Variants in RABGAP1 observed in about 807,000 individuals in gnomAD.
RABGAP1 encodes rab GTPase-activating protein 1.
A neutral mutation model predicts 137.6 loss-of-function variants in RABGAP1; 23 were observed. The ratio of observed to expected loss-of-function variants is 0.17; its 90% confidence interval spans 0.12 to 0.24. The LOEUF (loss-of-function observed/expected upper bound fraction) is 0.24. RABGAP1 is among the 10% of genes least tolerant of loss of function. The pLI is 1.00. For synonymous variants in RABGAP1, 451 were observed against 450.7 expected, an observed-to-expected ratio of 1.00 and a Z score of -0.01; for missense variants, 906 against 1,275.8, an observed-to-expected ratio of 0.71 and a Z score of 4.42.
At chr9:123,101,833 A>C in intron 25 of RABGAP1, 70 bp downstream of exon 25, 1 of 1,431,738 alleles carries the variant, frequency 7.0e-7, no homozygotes, top group Non-Finnish European at 9.3e-7. Context: ...GACCCCAGAA[A>C]TTATCTTTAT....
In RABGAP1 at chr9:123,002,161, C is replaced by T. The variant is rs574377093; in HGVS notation, c.1374+3395C>T. 7.9e-5 allele frequency among the ~76,000 whole-genome samples: 12 copies of T among 151,940 alleles called. No homozygotes were observed. In the South Asian group the frequency reaches 1.0e-3, roughly 13 times the overall value. On this transcript the variant is annotated intron_variant, in intron 10 of 25. Coordinates refer to ENST00000373647, the MANE Select transcript of RABGAP1 (RefSeq NM_012197.4). ...TACTAAAAATACAAAATTAGCCAGG[C>T]GTAGTGGCGCATGCCTGTAATCCCA...
chr9:123,097,926 A>G lies in RABGAP1; in HGVS notation c.2733+81A>G, dbSNP rs1381859679. 7.7e-6 allele frequency: 9 copies of G among 1,173,272 alleles called. No homozygotes were observed. The East Asian group carries it at 1.5e-4, about 19-fold the overall frequency. The allele number at this position is 1,173,272 out of a possible 1,614,324, so 72.7% of individuals were successfully genotyped here. A position where few individuals can be genotyped will look rare whatever the true frequency, so the allele number is the denominator to read the frequency against. ...CAGCTGGTGGCTTCCTGTTGGCACT[A>G]GAAAACCTAGAGACATCTGGCTTCA... On this transcript the variant is annotated intron_variant, in intron 22 of 25. Coordinates refer to ENST00000373647, the MANE Select transcript of RABGAP1 (RefSeq NM_012197.4).
At chr9:123,084,430 C>T (rs1486581221) in intron 19 of RABGAP1, among the ~76,000 whole-genome samples, 4 of 152,164 alleles carry the variant, frequency 2.6e-5, no homozygotes, top group African/African-American at 9.7e-5. Context: ...TACCCACTCA[C>T]CCAACAACAT....
chr9:122,996,113 T>C lies in RABGAP1; in HGVS notation c.996T>C (p.Tyr332=), dbSNP rs1460592417. 6.2e-7 allele frequency: 1 copy of C among 1,613,176 alleles called. No homozygotes were observed. The highest frequency in any genetic ancestry group is 1.3e-5 in the African/African-American group (1 of 74,878). Residue 332 remains tyrosine, a synonymous_variant, in exon 7 of 26, where the codon TAT becomes TAC. Transcript: ENST00000373647. ...GAATTGATAAGAAGATTGTCATCTA[T>C]GTGCAGCAAACAACTAATAAAGAAC... ...RQGIDKKIVI[Y]VQQTTNKELA...
chr9:123,054,594 T>TA lies in RABGAP1; in HGVS notation c.1795-10751dup, dbSNP rs562459128. ...AACTCAATATTGAGATGTTGTTAAC[T>TA]AAATCCCAAACTTTATTTACATTTC... On this transcript the variant is annotated intron_variant, in intron 13 of 25. Coordinates refer to ENST00000373647, the MANE Select transcript of RABGAP1 (RefSeq NM_012197.4). 1.3e-3 allele frequency among the ~76,000 whole-genome samples: 202 copies of TA among 152,328 alleles called. 1 individual carries two copies. The highest frequency in any genetic ancestry group is 2.1e-3 in the Non-Finnish European group (143 of 68,018).
intron 13 of RABGAP1, among the ~76,000 whole-genome samples, chr9:123,032,046 A>C (rs1356367695): frequency 6.6e-6 from 1 of 152,214 alleles, no homozygotes; most frequent in Non-Finnish European, 1.5e-5. Context: ...TAGCTGTTGT[A>C]TGACCTAGAA....
At position 123,096,580 on chromosome 9, in the gene RABGAP1, C is replaced by G. The variant is rs554635664; in HGVS notation, c.2629-1161C>G. 2.6e-5 allele frequency among the ~76,000 whole-genome samples: 4 copies of G among 152,186 alleles called. No individual in the cohort carries two copies. In the East Asian group the frequency reaches 7.7e-4, roughly 29 times the overall value. ...TTCTCAGTTCCACCTTTTTTTCTCT[C>G]TCTTTTGAGACTGAGTCTCGCACTG... is the stretch of plus-strand genomic sequence containing the variant. On this transcript the variant is annotated intron_variant, in intron 21 of 25. Transcript: ENST00000373647.
Position 123,070,711 on chromosome 9 carries a change from A to G in RABGAP1, c.1983+287A>G, listed in dbSNP as rs1433986161. Reference sequence around the variant, plus strand: ...TTGGTTGAACTCTTGGGGACGTTTTATCTTCTCTAAAGTAGCCGCTGTCAT... The same window carrying G: ...TTGGTTGAACTCTTGGGGACGTTTTGTCTTCTCTAAAGTAGCCGCTGTCAT... On this transcript the variant is annotated intron_variant, in intron 15 of 25. Coordinates refer to ENST00000373647, the MANE Select transcript of RABGAP1 (RefSeq NM_012197.4). This position sits in a 1 kb window ranked among gnomAD's most constrained non-coding sequence, Gnocchi z 4.4. 1.3e-5 allele frequency among the ~76,000 whole-genome samples: 2 copies of G among 152,184 alleles called. No homozygotes were observed. The highest frequency in any genetic ancestry group is 3.8e-4 in the East Asian group (2 of 5,200).
At chr9:122,983,696 C>T (rs953449581) in intron 2 of RABGAP1, among the ~76,000 whole-genome samples, 2 of 152,104 alleles carry the variant, frequency 1.3e-5, no homozygotes, top group African/African-American at 4.8e-5. Context: ...CCCATGACTT[C>T]GTTTTTCTAA....
intron 1 of RABGAP1, among the ~76,000 whole-genome samples, chr9:122,949,932 A>G (rs1252103566): frequency 2.0e-5 from 3 of 152,234 alleles, no homozygotes; most frequent in African/African-American, 7.2e-5. Context: ...GCAGCATATG[A>G]AAAGGCTTGA....
intron 14 of RABGAP1, among the ~76,000 whole-genome samples, chr9:123,067,189 C>A (rs1564173804): frequency 6.6e-6 from 1 of 152,216 alleles, no homozygotes; most frequent in Non-Finnish European, 1.5e-5. Context: ...TTCTCCCATA[C>A]CATTGTCCTG....
At chr9:123,028,664 C>T (rs566936659) in intron 13 of RABGAP1, among the ~76,000 whole-genome samples, 12 of 152,246 alleles carry the variant, frequency 7.9e-5, no homozygotes, top group Middle Eastern at 3.4e-3. Flanking sequence ...CTTCAGAAGG[C>T]ATATTTAAGG....
chr9:123,059,329 C>T (rs1235149595), intron 13 of RABGAP1, among the ~76,000 whole-genome samples: 3 of 151,948 alleles, frequency 2.0e-5, no homozygotes, highest in Admixed American at 6.6e-5. Context: ...CCGAGGCGGG[C>T]GGATCACGAG....
rs2034332825 is a variant in RABGAP1 at position 123,070,874 on chromosome 9, A to G, written c.1983+450A>G. Among the ~76,000 whole-genome samples the G allele has an allele frequency of 6.6e-6, 1 of 152,208 alleles. No individual in the cohort carries two copies. Among genetic ancestry groups the G allele is most frequent in the Admixed American group, 6.5e-5 (1 of 15,286 alleles). On this transcript the variant is annotated intron_variant, in intron 15 of 25. Transcript: ENST00000373647. This position sits in a 1 kb window ranked among gnomAD's most constrained non-coding sequence, Gnocchi z 4.4. Reference sequence around the variant, plus strand: ...CTTTTTTATTTTCTTTCAAATCCACAGAAAACTCTAAACAGTGTTAAGGTG... The same window carrying G: ...CTTTTTTATTTTCTTTCAAATCCACGGAAAACTCTAAACAGTGTTAAGGTG...
chr9:122,956,108 A>G (rs1032133021), intron 1 of RABGAP1, among the ~76,000 whole-genome samples: 6 of 152,186 alleles, frequency 3.9e-5, no homozygotes, highest in Non-Finnish European at 8.8e-5. Context: ...TTTGGTATGA[A>G]ACCCTTATTT....
the RABGAP1 span, among the ~76,000 whole-genome samples, chr9:122,934,086 T>TTTTC: frequency 6.6e-6 from 1 of 150,614 alleles, no homozygotes; most frequent in South Asian, 2.1e-4. Context: ...CTTTTCTTTT[T>TTTTC]TTTTTTTTTG....
intron 3 of RABGAP1, 105 bp from the exon 4 acceptor site, chr9:122,986,110 C>A (rs756317316): frequency 3.9e-6 from 4 of 1,033,806 alleles, no homozygotes; most frequent in Non-Finnish European, 4.3e-6. Flanking sequence ...CTCATTAATA[C>A]TTAATTTTAG....
rs1448634452 is a variant in RABGAP1 at position 123,076,306 on chromosome 9, CTGAGT to C, written c.2295+22_2295+26del. On this transcript the variant is annotated intron_variant, in intron 18 of 25. Transcript: ENST00000373647. ...TTAAAGGTACTCATTTATTTATTAG[CTGAGT>C]TATCTGTCATTCCCTGCTCTGCACT... 3.1e-6 allele frequency: 5 copies of C among 1,595,556 alleles called. No individual in the cohort carries two copies. Among genetic ancestry groups the C allele is most frequent in the East Asian group, 2.2e-5 (1 of 44,712 alleles).
At chr9:123,080,624 G>C (rs139001051) in intron 19 of RABGAP1, among the ~76,000 whole-genome samples, 253 of 152,306 alleles carry the variant, frequency 1.7e-3, no homozygotes, top group African/African-American at 5.8e-3. Context: ...AGTGCATCCT[G>C]AGCCCTGCAT....
Sources: gnomAD v4.1 joint callset for allele counts (sites outside exome capture counted in the v4.1 genomes callset) on GRCh38, gnomAD v4.1.1 for gene constraint, Gnocchi (gnomAD v3.1) non-coding constraint, MANE v1.5 for transcripts, NCBI Gene and HGNC (gene_info 2026-07-23, HGNC 2026-07-21) for gene names.